The following TSPAN7 variants were observed in gnomAD, a reference collection of about 807,000 sequenced individuals.
TSPAN7 encodes the protein tetraspanin-7.
TSPAN7 carries 1 observed loss-of-function variant against 17.6 expected under a neutral mutation model. The observed-to-expected ratio is 0.06, with a 90% CI of 0.02 to 0.27. The LOEUF is 0.27. Among genes scored for constraint, TSPAN7 ranks in the 10% least tolerant of loss-of-function variants. TSPAN7 has a pLI of 1.00. For synonymous variants in TSPAN7, 78 were observed against 79.0 expected, an observed-to-expected ratio of 0.99 and a Z score of 0.07; for missense variants, 112 against 201.7, an observed-to-expected ratio of 0.56 and a Z score of 2.69.
chrX:38,657,776 C>T (rs1221631118), intron 1 of TSPAN7, among the ~76,000 whole-genome samples: 6 of 112,217 alleles, frequency 5.3e-5, no homozygotes, highest in Admixed American at 3.8e-4. Context: ...ATGCCTGGAG[C>T]CATTTCCTAT....
At chrX:38,594,192 T>C (rs1456258420) in intron 1 of TSPAN7, among the ~76,000 whole-genome samples, 1 of 112,064 alleles carries the variant, frequency 8.9e-6, no homozygotes, top group Non-Finnish European at 1.9e-5. Context: ...TGTTTGTTTT[T>C]TGTTTTTTTG....
intron 1 of TSPAN7, among the ~76,000 whole-genome samples, chrX:38,579,016 G>A (rs946098088): frequency 8.1e-5 from 9 of 111,613 alleles, no homozygotes; most frequent in African/African-American, 2.9e-4. Context: ...CACATCAAAT[G>A]TTAACAGCTG....
intron 1 of TSPAN7, among the ~76,000 whole-genome samples, chrX:38,653,194 T>C (rs1468254798): frequency 1.8e-5 from 2 of 111,817 alleles, no homozygotes; most frequent in Non-Finnish European, 3.8e-5. Context: ...TGATGAAGCG[T>C]ATAAGGAGCA....
At chrX:38,680,758 C>G (rs180942625) in intron 5 of TSPAN7, among the ~76,000 whole-genome samples, 2 of 111,660 alleles carry the variant, frequency 1.8e-5, no homozygotes, top group African/African-American at 3.2e-5. Flanking sequence ...ATGCTAGTAA[C>G]TATGTTTATG....
intron 3 of TSPAN7, 28 bp downstream of exon 3, chrX:38,671,478 G>A (rs1569315211): frequency 8.5e-7 from 1 of 1,173,137 alleles, no homozygotes; most frequent in Non-Finnish European, 1.2e-6. Flanking sequence ...GCAGAACTCA[G>A]TTAAGGGGTG....
intron 1 of TSPAN7, among the ~76,000 whole-genome samples, chrX:38,636,459 T>C (rs1012572953): frequency 3.6e-5 from 4 of 111,632 alleles, no homozygotes; most frequent in Non-Finnish European, 7.5e-5. Flanking sequence ...ATCCCCAAGA[T>C]AAGTTTTGGA....
intron 1 of TSPAN7, among the ~76,000 whole-genome samples, chrX:38,567,932 C>G (rs2069151899): frequency 9.0e-6 from 1 of 111,693 alleles, no homozygotes; most frequent in East Asian, 2.8e-4. Flanking sequence ...CTAGTCACAG[C>G]TGAGCCATGT....
At chrX:38,607,799 C>T (rs1229939300) in intron 1 of TSPAN7, among the ~76,000 whole-genome samples, 1 of 106,750 alleles carries the variant, frequency 9.4e-6, no homozygotes, top group Non-Finnish European at 1.9e-5. Flanking sequence ...CTGCAGAAAC[C>T]AAAACATGGC....
rs747797978 is a variant in TSPAN7 at position 38,601,965 on chromosome X, A to G, written c.81+40338A>G. Among the ~76,000 whole-genome samples the G allele has an allele frequency of 2.7e-5, 3 of 111,764 alleles. No homozygotes were observed. The East Asian group carries it at 8.5e-4, about 32-fold the overall frequency. ...AAGCAGTCTTGATGCTTCTGTCTAC[A>G]TAACATTGGCCCATGTCTCACTGAC... On this transcript the variant is annotated intron_variant, in intron 1 of 7. Transcript: ENST00000378482.
intron 5 of TSPAN7, among the ~76,000 whole-genome samples, chrX:38,679,907 T>A (rs1381055206): frequency 9.0e-6 from 1 of 111,075 alleles, no homozygotes; most frequent in Non-Finnish European, 1.9e-5. Context: ...AACTAAGGAG[T>A]ATAGTTTGTC....
chrX:38,660,124 C>T (rs1201630452), intron 1 of TSPAN7, among the ~76,000 whole-genome samples: 1 of 111,035 alleles, frequency 9.0e-6, no homozygotes, highest in South Asian at 3.8e-4. Context: ...TGAGTCACCA[C>T]GTCTGGCCCC....
intron 2 of TSPAN7, among the ~76,000 whole-genome samples, chrX:38,669,294 G>T (rs1360005446): frequency 1.8e-5 from 2 of 111,213 alleles, no homozygotes; most frequent in Non-Finnish European, 3.8e-5. Context: ...GGCTATACTG[G>T]GTGCGTATGA....
intron 2 of TSPAN7, among the ~76,000 whole-genome samples, chrX:38,670,589 T>A (rs1317895716): frequency 1.8e-5 from 2 of 112,525 alleles, no homozygotes; most frequent in Admixed American, 1.9e-4. Context: ...GGCTACTGTG[T>A]CCAGTGATGA....
intron 6 of TSPAN7, among the ~76,000 whole-genome samples, chrX:38,681,535 T>C (rs757134140): frequency 8.9e-6 from 1 of 112,427 alleles, no homozygotes; most frequent in Non-Finnish European, 1.9e-5. Flanking sequence ...AACTGGCTAC[T>C]TCTGTAGGTC....
chrX:38,595,870 A>G (rs1300625621), intron 1 of TSPAN7, among the ~76,000 whole-genome samples: 1 of 111,937 alleles, frequency 8.9e-6, no homozygotes, highest in African/African-American at 3.2e-5. Flanking sequence ...TAGTGAACAC[A>G]GTCTTCTTTT....
chrX:38,655,260 G>C (rs1048993481), intron 1 of TSPAN7, among the ~76,000 whole-genome samples: 1 of 111,372 alleles, frequency 9.0e-6, no homozygotes, highest in Non-Finnish European at 1.9e-5. Flanking sequence ...GGTAGTGGTA[G>C]AAGTGGTGAA....
chrX:38,616,929 A>G (rs1286988097), intron 1 of TSPAN7, among the ~76,000 whole-genome samples: 1 of 112,046 alleles, frequency 8.9e-6, no homozygotes, highest in Non-Finnish European at 1.9e-5. Context: ...CAGTGACTCT[A>G]AAAGATTTCC....
At chrX:38,683,966 AAGTT>A (rs1357146688) in intron 6 of TSPAN7, among the ~76,000 whole-genome samples, 1 of 112,709 alleles carries the variant, frequency 8.9e-6, no homozygotes, top group Non-Finnish European at 1.9e-5. Flanking sequence ...AGGCTCTACT[AAGTT>A]AGAGGCCACA....
intron 1 of TSPAN7, among the ~76,000 whole-genome samples, chrX:38,661,873 G>A (rs923873984): frequency 6.3e-5 from 7 of 110,752 alleles, no homozygotes; most frequent in Non-Finnish European, 1.3e-4. Flanking sequence ...CGAAAGTCAT[G>A]TTTGAGACAT....
Sources: allele counts gnomAD v4.1 joint callset (sites outside exome capture counted in the v4.1 genomes callset), GRCh38; gene constraint gnomAD v4.1.1; transcripts MANE v1.5; gene names NCBI Gene and HGNC (gene_info 2026-07-23, HGNC 2026-07-21).